COQ2: variants seen among roughly 807,000 people sequenced by gnomAD.
COQ2 encodes the protein 4-hydroxybenzoate polyprenyltransferase, mitochondrial.
COQ2 carries 25 observed loss-of-function variants against 35.7 expected under a neutral mutation model. The ratio of observed to expected loss-of-function variants is 0.70; its 90% CI spans 0.51 to 0.98. COQ2 has a LOEUF of 0.98. Ranked by LOEUF, COQ2 falls within the 50% of genes least tolerant of loss-of-function variation. The probability of loss-of-function intolerance (pLI) is 0.00; values close to 1 mark genes in which losing one functional copy is unlikely to be tolerated. For missense variants in COQ2, 488 were observed against 473.5 expected, an observed-to-expected ratio of 1.03 and a Z score of -0.28; for synonymous variants, 206 against 186.2, an observed-to-expected ratio of 1.11 and a Z score of -0.86.
rs1030154600 is a variant in COQ2 at position 83,277,795 on chromosome 4, C to T, written c.420+1153G>A. ...GACCAGCCTGACCAACGTGGAGAAA[C>T]CCTGTCTCTACTAAAAATACAAAAT... On this transcript the variant is annotated intron_variant, in intron 2 of 6. Coordinates refer to ENST00000647002, the MANE Select transcript of COQ2 (RefSeq NM_001358921.2). Among the ~76,000 whole-genome samples the T allele has an allele frequency of 3.9e-5, 6 of 152,206 alleles. No individual in the cohort carries two copies. The East Asian group carries it at 1.2e-3, about 29-fold the overall frequency.
rs767951596 is a variant in COQ2 at position 83,272,109 on chromosome 4, T to G, written c.606A>C (p.Ser202=). 1 of 1,609,862 alleles carries G rather than the reference T, an allele frequency of 6.2e-7. No homozygotes were observed. Residue 202 remains serine (S), a synonymous_variant, in exon 4 of 7, where the codon TCA becomes TCC. Transcript: ENST00000647002. ...VITYPLMKRI[S]YWPQLALGLT... is the part of the protein sequence containing the mutation. ...CACCCAAGGCTAGTTGAGGCCAGTA[T>G]GAAATTCTTTTCATTAGTGGGTAGG...
intron 6 of COQ2, among the ~76,000 whole-genome samples, chr4:83,265,654 A>T (rs1234226471): frequency 6.6e-6 from 1 of 152,090 alleles, no homozygotes; most frequent in Non-Finnish European, 1.5e-5. Flanking sequence ...GTGGGCTCCA[A>T]GTATTTCTTT....
intron 6 of COQ2, among the ~76,000 whole-genome samples, chr4:83,265,172 G>C (rs1734882995): frequency 6.6e-6 from 1 of 152,112 alleles, no homozygotes; most frequent in Non-Finnish European, 1.5e-5. Flanking sequence ...CTTAGGCATG[G>C]GGGACTATTC....
rs1331964327 is a variant in COQ2 at position 83,278,868 on chromosome 4, A to G, written c.420+80T>C. ...TCACTGAATGATCTTGTTGCTTTAT[A>G]TGGCATTCAAAAGTGATACCACTAT... On this transcript the variant is annotated intron_variant, in intron 2 of 6. Transcript: ENST00000647002. 10 of 1,361,096 alleles carry G rather than the reference A, an allele frequency of 7.3e-6. No individual in the cohort carries two copies. The Admixed American group carries it at 1.0e-4, about 14-fold the overall frequency. 84.3% of individuals were successfully genotyped at this position (1,361,096 alleles called of 1,614,324 possible).
At chr4:83,278,632 T>C (rs537959205) in intron 2 of COQ2, among the ~76,000 whole-genome samples, 4 of 152,392 alleles carry the variant, frequency 2.6e-5, no homozygotes, top group Non-Finnish European at 2.9e-5. Context: ...CTTTGGACAC[T>C]TGAAGGTTCA....
At chr4:83,273,659 T>G in intron 2 of COQ2, 42 bp from the exon 3 acceptor site, 1 of 1,588,286 alleles carries the variant, frequency 6.3e-7, no homozygotes, top group East Asian at 2.3e-5. Context: ...ATGTAATGAC[T>G]CAATCATTTA....
At chr4:83,269,564 G>A (rs966060874) in intron 5 of COQ2, among the ~76,000 whole-genome samples, 2 of 152,172 alleles carry the variant, frequency 1.3e-5, no homozygotes, top group Non-Finnish European at 2.9e-5. Context: ...GGGGGATTAA[G>A]TCTGTAAAGT....
upstream of COQ2, chr4:83,284,892 C>T (rs1735434971): frequency 6.6e-7 from 1 of 1,522,288 alleles, no homozygotes; most frequent in Admixed American, 2.0e-5. Context: ...TTTCCTCATC[C>T]TTACTTGTGA....
intron 2 of COQ2, 94 bp from the exon 3 acceptor site, chr4:83,273,711 A>G: frequency 3.4e-6 from 4 of 1,164,494 alleles, no homozygotes; most frequent in Non-Finnish European, 4.9e-6. Flanking sequence ...GTAGGCACAA[A>G]TATGAATGAA....
In COQ2 at chr4:83,284,600, C is replaced by A; in HGVS notation, c.165G>T (p.Gln55His). ...CCACCGCCGCCGCGGACAAACTGAGCTGGCGCCCGCGCGGCTCGGGACAGG... is the reference window on the plus strand; with the variant it reads ...CCACCGCCGCCGCGGACAAACTGAGATGGCGCCCGCGCGGCTCGGGACAGG... ...PPACPEPRGR[Q>H]LSLSAAAVVD... Residue 55 changes from glutamine (Q) to histidine (H), a missense_variant, in exon 1 of 7, where the codon CAG (glutamine) becomes CAT (histidine). Physicochemically the swap from Gln to His is conservative, Grantham distance 24. Transcript: ENST00000647002. 1 of 1,537,228 alleles carries A rather than the reference C, an allele frequency of 6.5e-7. No homozygotes were observed. Among genetic ancestry groups the A allele is most frequent in the South Asian group, 1.2e-5 (1 of 82,988 alleles).
chr4:83,282,557 G>C, intron 1 of COQ2: 1 of 912,714 alleles, frequency 1.1e-6, no homozygotes, highest in Non-Finnish European at 1.3e-6. Context: ...AACCATGCAG[G>C]CTGGTATCTT....
chr4:83,266,477 C>T (rs772165582), intron 6 of COQ2, among the ~76,000 whole-genome samples: 1 of 151,992 alleles, frequency 6.6e-6, no homozygotes, highest in Non-Finnish European at 1.5e-5. Flanking sequence ...CCCGCCTCAG[C>T]CTCCTGAGTA....
chr4:83,264,434 A>G (rs543616991), intron 6 of COQ2, 71 bp from the exon 7 acceptor site: 1 of 1,484,998 alleles, frequency 6.7e-7, no homozygotes, highest in East Asian at 2.6e-5. Context: ...TAAACATGTT[A>G]ACACGGAGGA....
At chr4:83,272,409 T>C (rs1362952072) in intron 3 of COQ2, among the ~76,000 whole-genome samples, 2 of 152,222 alleles carry the variant, frequency 1.3e-5, no homozygotes, top group African/African-American at 2.4e-5. Context: ...TACAGTACTA[T>C]CATGTATTAA....
intron 6 of COQ2, among the ~76,000 whole-genome samples, chr4:83,266,208 G>A (rs1367463436): frequency 1.3e-5 from 2 of 152,168 alleles, no homozygotes; most frequent in Admixed American, 1.3e-4. Flanking sequence ...GGAAAACAGT[G>A]GAGGGGACAC....
intron 6 of COQ2, among the ~76,000 whole-genome samples, chr4:83,266,294 T>C (rs995379325): frequency 1.3e-5 from 2 of 152,216 alleles, no homozygotes; most frequent in African/African-American, 4.8e-5. Context: ...CCTATACTGA[T>C]AGTAATTGGC....
chr4:83,274,442 G>A (rs988606778), intron 2 of COQ2, among the ~76,000 whole-genome samples: 1 of 152,138 alleles, frequency 6.6e-6, no homozygotes, highest in Non-Finnish European at 1.5e-5. Context: ...TGATCCACCT[G>A]CCTTGGCTTC....
rs1734854681 is a variant in COQ2, at chr4:83,264,172, TA to T, written c.*26del. 9.1e-7 allele frequency: 1 copy of T among 1,093,462 alleles called. No homozygotes were observed. The highest frequency in any genetic ancestry group is 3.3e-5 in the Admixed American group (1 of 29,996). The allele number at this position is 1,093,462 out of a possible 1,614,324, so 67.7% of individuals were successfully genotyped here. The stretch of plus-strand genomic sequence containing the variant: ...TAATTATATTTTGTAAAAAATGTTT[TA>T]AAAATTCCTAGATAAATTTCATTCA... On this transcript the variant is annotated 3_prime_UTR_variant, in exon 7 of 7. Coordinates refer to ENST00000647002, the MANE Select transcript of COQ2 (RefSeq NM_001358921.2).
rs143771689 is a variant in COQ2 at position 83,264,146 on chromosome 4, C to T, written c.*53G>A. 0.011 allele frequency: 10,552 copies of T among 922,188 alleles called. 87 individuals carry two copies. The highest frequency in any genetic ancestry group is 0.014 in the Middle Eastern group (43 of 3,010). The allele number at this position is 922,188 out of a possible 1,614,324, so 57.1% of individuals were successfully genotyped here. A position where few individuals can be genotyped will look rare whatever the true frequency, so the allele number is the denominator to read the frequency against. On this transcript the variant is annotated 3_prime_UTR_variant, in exon 7 of 7. Transcript: ENST00000647002. ...ATTGTATCAGATTTTGTATTCAAAT[C>T]TAATTATATTTTGTAAAAAATGTTT...
Sources: allele counts gnomAD v4.1 joint callset (sites outside exome capture counted in the v4.1 genomes callset), GRCh38; gene constraint gnomAD v4.1.1; transcripts MANE v1.5; gene names NCBI Gene and HGNC (gene_info 2026-07-23, HGNC 2026-07-21).